KCNIP4: variants seen among roughly 807,000 people sequenced by gnomAD.
KCNIP4 encodes Kv channel-interacting protein 4.
A neutral mutation model predicts 34.0 loss-of-function variants in KCNIP4; 12 were observed. That is an observed-to-expected ratio of 0.35 (90% CI 0.23 to 0.57). The LOEUF (loss-of-function observed/expected upper bound fraction) is 0.57. Ranked by LOEUF, KCNIP4 falls within the 20% of genes least tolerant of loss-of-function variation. The pLI is 0.83. For synonymous variants in KCNIP4, 124 were observed against 102.2 expected (o/e 1.21, Z -1.29); for missense variants, 238 against 311.7 (o/e 0.76, Z 1.78).
intron 1 of KCNIP4, chr4:21,656,975 C>G (rs977402128): frequency 6.6e-6 from 1 of 152,238 alleles, no homozygotes; most frequent in Admixed American, 6.5e-5. Flanking sequence ...CTGTCCCCAT[C>G]CTGACCTCCA....
At chr4:20,866,686 G>T (rs1032923273) in intron 2 of KCNIP4, among the ~76,000 whole-genome samples, 1 of 151,968 alleles carries the variant, frequency 6.6e-6, no homozygotes, top group Non-Finnish European at 1.5e-5. Flanking sequence ...AGAAATAAAA[G>T]GCATTTAAAT....
chr4:21,017,208 C>T (rs1452621011), intron 1 of KCNIP4, among the ~76,000 whole-genome samples: 1 of 152,122 alleles, frequency 6.6e-6, no homozygotes, highest in Non-Finnish European at 1.5e-5. Context: ...ATTTTAAGTT[C>T]CAGGATACAT....
At chr4:21,705,465 T>G (rs1289615916) in intron 1 of KCNIP4, among the ~76,000 whole-genome samples, 1 of 152,142 alleles carries the variant, frequency 6.6e-6, no homozygotes, top group East Asian at 1.9e-4. Context: ...ATGTAATAAA[T>G]AAAATTTTAA....
chr4:21,829,470 G>A (rs1301839336), intron 1 of KCNIP4, among the ~76,000 whole-genome samples: 1 of 151,922 alleles, frequency 6.6e-6, no homozygotes, highest in Non-Finnish European at 1.5e-5. Context: ...CAAATTGAGT[G>A]TAGATTTTCC....
At chr4:21,904,715 A>T (rs1304158943) in intron 1 of KCNIP4, among the ~76,000 whole-genome samples, 1 of 152,200 alleles carries the variant, frequency 6.6e-6, no homozygotes, top group Non-Finnish European at 1.5e-5. Flanking sequence ...AGAATTATAG[A>T]CATTTTGGAT....
intron 8 of KCNIP4, chr4:20,731,612 G>T: frequency 1.0e-6 from 1 of 985,074 alleles, no homozygotes; most frequent in Non-Finnish European, 1.2e-6. Flanking sequence ...GGCCTGTTGT[G>T]ATGCCATACT....
At chr4:21,151,922 A>C (rs1752785320) in intron 1 of KCNIP4, among the ~76,000 whole-genome samples, 2 of 152,212 alleles carry the variant, frequency 1.3e-5, no homozygotes, top group African/African-American at 4.8e-5. Flanking sequence ...AACAGCCTGC[A>C]CAATACTGTA....
At chr4:21,800,255 G>A (rs1160447521) in intron 1 of KCNIP4, among the ~76,000 whole-genome samples, 3 of 152,018 alleles carry the variant, frequency 2.0e-5, no homozygotes, top group African/African-American at 4.8e-5. Context: ...TATGCTATAG[G>A]GCTCTGTAAC....
At chr4:20,919,760 G>A (rs566683962) in intron 1 of KCNIP4, among the ~76,000 whole-genome samples, 5 of 152,010 alleles carry the variant, frequency 3.3e-5, no homozygotes, top group South Asian at 4.2e-4. Context: ...TTGGCGGGGG[G>A]GAGTCAAATG....
Position 20,904,684 on chromosome 4 carries a change from C to T in KCNIP4, c.62-21975G>A, listed in dbSNP as rs567318281. Among the ~76,000 whole-genome samples the T allele has an allele frequency of 5.3e-5, 8 of 152,094 alleles. No homozygotes were observed. The East Asian group carries it at 1.6e-3, about 29-fold the overall frequency. On this transcript the variant is annotated intron_variant, in intron 1 of 8. Transcript: ENST00000382152. ...TTAATTAAGCCTTAACTGTTTTTTTCTGACACCCTGATTAGAAAATGTTCA... is the reference window on the plus strand; with the variant it reads ...TTAATTAAGCCTTAACTGTTTTTTTTTGACACCCTGATTAGAAAATGTTCA...
intron 3 of KCNIP4, among the ~76,000 whole-genome samples, chr4:20,849,827 A>G (rs753345807): frequency 2.6e-5 from 4 of 152,236 alleles, no homozygotes; most frequent in African/African-American, 4.8e-5. Context: ...TATTCAGACC[A>G]TAAGCTCCTT....
At chr4:21,690,253 A>G (rs1474182288) in intron 1 of KCNIP4, among the ~76,000 whole-genome samples, 1 of 151,774 alleles carries the variant, frequency 6.6e-6, no homozygotes, top group Non-Finnish European at 1.5e-5. Context: ...TACCTTCCCA[A>G]GCCCACAAAT....
chr4:21,289,215 G>C (rs755385889), intron 1 of KCNIP4, among the ~76,000 whole-genome samples: 1 of 152,116 alleles, frequency 6.6e-6, no homozygotes, highest in African/African-American at 2.4e-5. Context: ...TTTTGATACA[G>C]GCATATAATG....
intron 3 of KCNIP4, among the ~76,000 whole-genome samples, chr4:20,822,349 G>A (rs907902404): frequency 2.0e-5 from 3 of 152,166 alleles, no homozygotes; most frequent in African/African-American, 7.2e-5. Flanking sequence ...TCAGGGAAAT[G>A]CAGACTAAAA....
intron 4 of KCNIP4, among the ~76,000 whole-genome samples, chr4:20,756,132 T>C (rs547517559): frequency 6.6e-6 from 1 of 151,966 alleles, no homozygotes; most frequent in East Asian, 1.9e-4. Context: ...TGTGTTTATT[T>C]TGGCAGGAGA....
chr4:20,994,107 G>T (rs939452076), intron 1 of KCNIP4, among the ~76,000 whole-genome samples: 2 of 152,126 alleles, frequency 1.3e-5, no homozygotes, highest in African/African-American at 4.8e-5. Flanking sequence ...CATCTGATGA[G>T]CAACCTTAAT....
intron 1 of KCNIP4, among the ~76,000 whole-genome samples, chr4:21,132,727 G>A (rs925442747): frequency 7.9e-5 from 12 of 151,864 alleles, no homozygotes; most frequent in Non-Finnish European, 1.3e-4. Flanking sequence ...AAATTTTTGC[G>A]GCCAGGCACG....
chr4:21,633,134 T>C (rs557430999), intron 1 of KCNIP4, among the ~76,000 whole-genome samples: 1 of 152,290 alleles, frequency 6.6e-6, no homozygotes, highest in South Asian at 2.1e-4. Flanking sequence ...TCTTCTAAAG[T>C]TATAAGTTTA....
intron 1 of KCNIP4, among the ~76,000 whole-genome samples, chr4:20,949,500 A>T (rs897511428): frequency 6.6e-6 from 1 of 152,082 alleles, no homozygotes; most frequent in Non-Finnish European, 1.5e-5. Context: ...CAGCCATCCC[A>T]TTACTGGGTA....
Sources: gnomAD v4.1 joint callset for allele counts (sites outside exome capture counted in the v4.1 genomes callset) on GRCh38, gnomAD v4.1.1 for gene constraint, MANE v1.5 for transcripts, NCBI Gene and HGNC (gene_info 2026-07-23, HGNC 2026-07-21) for gene names.